ZNF284: variants seen among roughly 807,000 people sequenced by gnomAD.
ZNF284 encodes the protein zinc finger protein 284.
A neutral mutation model predicts 12.9 loss-of-function variants in ZNF284; 12 were observed. The ratio of observed to expected loss-of-function variants is 0.93; its 90% CI spans 0.60 to 1.51. The LOEUF is 1.51. Among genes scored for constraint, ZNF284 ranks in the 40% most tolerant of loss-of-function variants. The pLI is 0.00. For synonymous variants in ZNF284, 225 were observed against 236.5 expected (o/e 0.95, Z 0.45); for missense variants, 667 against 707.3 (o/e 0.94, Z 0.65).
rs1967116452 is a variant in ZNF284, at chr19:44,081,115, AG to A, written c.117del (p.Asn40ThrfsTer72). ...AAGCTGTATCGAGATGTCATGCTGG[AG>A]AACTTCAGAAACCTGCTATCAGTGG... ...QRKLYRDVML[E>X]NFRNLLSVGH... On this transcript the variant is annotated frameshift_variant, in exon 3 of 5. Transcript: ENST00000421176. LOFTEE classifies it high-confidence loss of function. The A allele has an allele frequency of 1.9e-6, 3 of 1,612,708 alleles. No individual in the cohort carries two copies. In the East Asian group the frequency reaches 6.7e-5, roughly 36 times the overall value.
At chr19:44,081,618 G>A (rs147511415) in intron 3 of ZNF284, among the ~76,000 whole-genome samples, 256 of 152,160 alleles carry the variant, frequency 1.7e-3, no homozygotes, top group African/African-American at 5.6e-3. Flanking sequence ...AGGCTGAGGC[G>A]GGTAAATGGC....
rs1967139405 is a variant in ZNF284, at chr19:44,082,240, G to T, written c.235+135G>T. 2.5e-5 allele frequency: 16 copies of T among 641,990 alleles called. No individual in the cohort carries two copies. The South Asian group carries it at 3.8e-4, about 15-fold the overall frequency. The allele number at this position is 641,990 out of a possible 1,614,324, so 39.8% of individuals were successfully genotyped here. A position where few individuals can be genotyped will look rare whatever the true frequency, so the allele number is the denominator to read the frequency against. The stretch of plus-strand genomic sequence containing the variant: ...GATTCTTACCTCCTTCCTGCTGGTT[G>T]TCCTGCTCCCCCACCCCCTCTTCCC... On this transcript the variant is annotated intron_variant, in intron 4 of 4. Transcript: ENST00000421176.
chr19:44,075,955 A>G (rs1365136440), intron 1 of ZNF284, among the ~76,000 whole-genome samples: 1 of 152,122 alleles, frequency 6.6e-6, no homozygotes, highest in Admixed American at 6.6e-5. Context: ...CCACTAATCT[A>G]CTTTCTCTAT....
intron 2 of ZNF284, among the ~76,000 whole-genome samples, chr19:44,080,469 C>T (rs1033478289): frequency 6.6e-6 from 1 of 152,120 alleles, no homozygotes; most frequent in Non-Finnish European, 1.5e-5. Flanking sequence ...GCCTATAATC[C>T]CAGCTATTCA....
At position 44,089,155 on chromosome 19, in the gene ZNF284, G is replaced by T; in HGVS notation, c.*1895G>T. ...TTTGTTTTTGAGATGGGGTCTCTCG[G>T]TGTTGCCCAGGCTGGATTGCTTATT... On this transcript the variant is annotated 3_prime_UTR_variant, in exon 5 of 5. Coordinates refer to ENST00000421176, the MANE Select transcript of ZNF284 (RefSeq NM_001037813.4). The T allele has an allele frequency of 6.6e-6, 1 of 152,204 alleles. No individual in the cohort carries two copies. The allele number at this position is 152,204 out of a possible 1,614,324, so 9.4% of individuals were successfully genotyped here. A position where few individuals can be genotyped will look rare whatever the true frequency, so the allele number is the denominator to read the frequency against.
At chr19:44,073,212 T>C (rs1966975069) in intron 1 of ZNF284, among the ~76,000 whole-genome samples, 1 of 152,186 alleles carries the variant, frequency 6.6e-6, no homozygotes, top group Admixed American at 6.5e-5. Flanking sequence ...GGAGCTGCGG[T>C]TGAAACCTGG....
chr19:44,078,724 C>T (rs144852087), intron 2 of ZNF284, among the ~76,000 whole-genome samples: 1,613 of 152,242 alleles, frequency 0.011, 24 homozygotes, highest in Non-Finnish European at 0.013. Flanking sequence ...CCTCTTAAAG[C>T]ACTGGGATTA....
At chr19:44,075,682 A>G (rs2147493683) in intron 1 of ZNF284, among the ~76,000 whole-genome samples, 1 of 152,328 alleles carries the variant, frequency 6.6e-6, no homozygotes, top group South Asian at 2.1e-4. Flanking sequence ...ATTCAACTAT[A>G]AATATTCTAT....
rs1967254717 is a variant in ZNF284, at chr19:44,086,632, G to A, written c.1154G>A (p.Cys385Tyr). 5 of 1,614,174 alleles carry A rather than the reference G, an allele frequency of 3.1e-6. No individual in the cohort carries two copies. Among genetic ancestry groups the A allele is most frequent in the Non-Finnish European group, 4.2e-6 (5 of 1,180,020 alleles). The part of the protein sequence containing the change: ...VCGKGFRWSS[C>Y]LSRHQRVHNG... The stretch of plus-strand genomic sequence containing the variant: ...GGGAAGGGCTTCAGGTGGTCCTCAT[G>A]TCTTTCAAGACATCAGCGGGTCCAC... The change falls in exon 5 of 5, where the codon TGT becomes TAT. Residue 385 changes from cysteine to tyrosine, a missense_variant. Cys to Tyr is a radical substitution (Grantham distance 194, BLOSUM62 -2). Coordinates refer to ENST00000421176, the MANE Select transcript of ZNF284 (RefSeq NM_001037813.4).
In ZNF284 at chr19:44,086,684, C is replaced by A; in HGVS notation, c.1206C>A (p.Asp402Glu). 6.2e-7 allele frequency: 1 copy of A among 1,613,728 alleles called. No homozygotes were observed. The highest frequency in any genetic ancestry group is 8.5e-7 in the Non-Finnish European group (1 of 1,179,882). The part of the protein sequence containing the change: ...VHNGETTFKC[D>E]GCGKRFYMNS... ...ATGGAGAAACAACATTCAAGTGCGA[C>A]GGATGTGGGAAGAGATTTTATATGA... is the stretch of plus-strand genomic sequence containing the variant. The change falls in exon 5 of 5, where the codon GAC becomes GAA. Residue 402 changes from aspartate to glutamate, a missense_variant. Asp to Glu is a conservative substitution (Grantham distance 45). Transcript: ENST00000421176.
At chr19:44,078,404 C>T (rs946068416) in intron 2 of ZNF284, among the ~76,000 whole-genome samples, 1 of 152,186 alleles carries the variant, frequency 6.6e-6, no homozygotes, top group Non-Finnish European at 1.5e-5. Flanking sequence ...TATATGATCA[C>T]AATTTTAAAC....
chr19:44,084,487 A>G (rs1669693783), intron 4 of ZNF284, among the ~76,000 whole-genome samples: 1 of 152,282 alleles, frequency 6.6e-6, no homozygotes, highest in African/African-American at 2.4e-5. Context: ...GAGAACACAT[A>G]TGAGTGTACA....
chr19:44,085,697 A>G lies in ZNF284; in HGVS notation c.236-17A>G, dbSNP rs1246817913. The G allele has an allele frequency of 1.3e-6, 2 of 1,591,212 alleles. No homozygotes were observed. The stretch of plus-strand genomic sequence containing the variant: ...AGGTTTCACTTACCCACATCTCTTA[A>G]TTCTGTGTCCTTATAGGAGGCAAGA... On this transcript the variant is annotated splice_polypyrimidine_tract_variant and intron_variant, in intron 4 of 4. Transcript: ENST00000421176.
rs1021978885 is a variant in ZNF284, at chr19:44,087,031, A to T, written c.1553A>T (p.Lys518Met). ...CCTTACAAATGTGAGGAGTGTGGAAAGGGATTCAGATGGGCCTCAACTCAT... is the reference window on the plus strand; with the variant it reads ...CCTTACAAATGTGAGGAGTGTGGAATGGGATTCAGATGGGCCTCAACTCAT... ...EKPYKCEECG[K>M]GFRWASTHLT... is the part of the protein sequence containing the mutation. Residue 518 changes from lysine (K) to methionine (M), a missense_variant, in exon 5 of 5, where the codon AAG becomes ATG. Transcript: ENST00000421176. 11 of 1,614,202 alleles carry T rather than the reference A, an allele frequency of 6.8e-6. No homozygotes were observed. In the South Asian group the frequency reaches 9.9e-5, roughly 15 times the overall value.
chr19:44,084,485 A>G (rs1418587190), intron 4 of ZNF284, among the ~76,000 whole-genome samples: 3 of 152,184 alleles, frequency 2.0e-5, no homozygotes, highest in African/African-American at 7.2e-5. Context: ...ATGAGAACAC[A>G]TATGAGTGTA....
At chr19:44,076,222 C>A in intron 1 of ZNF284, 100 bp from the exon 2 acceptor site, 1 of 572,914 alleles carries the variant, frequency 1.7e-6, no homozygotes, top group East Asian at 2.8e-5. Flanking sequence ...TGTGAACATT[C>A]AAGTGCTAAT....
intron 2 of ZNF284, 134 bp from the exon 3 acceptor site, chr19:44,080,881 G>A (rs1599878684): frequency 1.7e-6 from 2 of 1,179,246 alleles, no homozygotes; most frequent in South Asian, 3.0e-5. Context: ...GAATGAATGG[G>A]AAATCTGTAT....
In ZNF284 at chr19:44,088,287, TGGGC is replaced by T. The variant is rs1241863549; in HGVS notation, c.*1028_*1031del. The T allele has an allele frequency of 1.3e-5, 2 of 152,246 alleles. No homozygotes were observed. The highest frequency in any genetic ancestry group is 4.8e-5 in the African/African-American group (2 of 41,468). 9.4% of individuals were successfully genotyped at this position (152,246 alleles called of 1,614,324 possible). A position where few individuals can be genotyped will look rare whatever the true frequency, so the allele number is the denominator to read the frequency against. On this transcript the variant is annotated 3_prime_UTR_variant, in exon 5 of 5. Transcript: ENST00000421176. ...TGAAAACATGTGGTATTTATCTTTC[TGGGC>T]CTGAATTTACATCACTCAACATCAT...
intron 4 of ZNF284, among the ~76,000 whole-genome samples, chr19:44,082,363 T>C (rs1371860167): frequency 6.6e-6 from 1 of 152,218 alleles, no homozygotes; most frequent in Non-Finnish European, 1.5e-5. Context: ...TGGCTTCTTA[T>C]TTGTGTTAAT....
Sources: gnomAD v4.1 joint callset for allele counts (sites outside exome capture counted in the v4.1 genomes callset) on GRCh38, gnomAD v4.1.1 for gene constraint, MANE v1.5 for transcripts, NCBI Gene and HGNC (gene_info 2026-07-23, HGNC 2026-07-21) for gene names.